The following COG5 variants were observed in gnomAD, a reference collection of about 807,000 sequenced individuals.
COG5 encodes component of oligomeric golgi complex 5.
COG5 carries 86 observed loss-of-function variants against 110.4 expected under a neutral mutation model. The ratio of observed to expected loss-of-function variants is 0.78; its 90% CI spans 0.65 to 0.93. The LOEUF is 0.93. COG5 is among the 40% of genes least tolerant of loss of function. The pLI, the probability that COG5 is intolerant of heterozygous loss-of-function variation, is 0.00. For synonymous variants in COG5, 360 were observed against 334.6 expected (o/e 1.08, Z -0.83); for missense variants, 1,077 against 987.0 (o/e 1.09, Z -1.22).
chr7:107,472,607 A>G (rs909631901), intron 6 of COG5: 1 of 151,996 alleles, frequency 6.6e-6, no homozygotes, highest in African/African-American at 2.4e-5. Context: ...TTCCATTTTT[A>G]TAGGATTTCA....
chr7:107,288,927 T>G (rs879612999), intron 12 of COG5, among the ~76,000 whole-genome samples: 7,981 of 49,934 alleles, frequency 0.16, 513 homozygotes, highest in East Asian at 0.24. Flanking sequence ...TATATATATA[T>G]ATATATATAT....
chr7:107,388,376 C>A (rs1488655904), intron 7 of COG5, among the ~76,000 whole-genome samples: 2 of 152,208 alleles, frequency 1.3e-5, no homozygotes, highest in East Asian at 3.9e-4. Context: ...TATGGGGTGG[C>A]CCAAAAAATT....
At chr7:107,360,131 G>A (rs958836974) in intron 10 of COG5, among the ~76,000 whole-genome samples, 1 of 150,388 alleles carries the variant, frequency 6.6e-6, no homozygotes, top group African/African-American at 2.5e-5. Context: ...ACCAGCCTGT[G>A]GATGGGACCT....
At chr7:107,514,777 T>C (rs567579344) in intron 6 of COG5, among the ~76,000 whole-genome samples, 4 of 152,300 alleles carry the variant, frequency 2.6e-5, no homozygotes, top group East Asian at 3.9e-4. Flanking sequence ...CAATAAACAA[T>C]GGCTGAATAA....
chr7:107,227,692 AT>A (rs35707279), intron 19 of COG5, among the ~76,000 whole-genome samples: 3 of 112,308 alleles, frequency 2.7e-5, no homozygotes, highest in Non-Finnish European at 3.6e-5. Flanking sequence ...ACTTAGCACT[AT>A]TTTTTTTTGG....
chr7:107,513,687 G>A (rs1215354089), intron 6 of COG5, among the ~76,000 whole-genome samples: 1 of 152,094 alleles, frequency 6.6e-6, no homozygotes, highest in Non-Finnish European at 1.5e-5. Flanking sequence ...AGAAAATGTG[G>A]CACATATACA....
In COG5 at chr7:107,203,513, T is replaced by G; in HGVS notation, c.*3A>C. 3.1e-6 allele frequency: 5 copies of G among 1,601,328 alleles called. No individual in the cohort carries two copies. Among genetic ancestry groups the G allele is most frequent in the Non-Finnish European group, 4.3e-6 (5 of 1,168,332 alleles). On this transcript the variant is annotated 3_prime_UTR_variant, in exon 22 of 22. Transcript: ENST00000297135. ...AGTGGAGATGAACAAAGATTTCATG[T>G]CATTACTGAAGAGCAGACATAGCCT...
At chr7:107,504,573 T>A (rs1224588380) in intron 6 of COG5, among the ~76,000 whole-genome samples, 1 of 152,234 alleles carries the variant, frequency 6.6e-6, no homozygotes, top group African/African-American at 2.4e-5. Flanking sequence ...GTAAGATTGA[T>A]ACCAGTTCAT....
chr7:107,411,291 C>T lies in COG5; in HGVS notation c.669+1211G>A, dbSNP rs551123884. Among the ~76,000 whole-genome samples, 158 of 152,112 alleles carry T rather than the reference C, an allele frequency of 1.0e-3. 1 individual carries two copies. Among genetic ancestry groups the T allele is most frequent in the African/African-American group, 3.7e-3 (154 of 41,494 alleles). On this transcript the variant is annotated intron_variant, in intron 7 of 21. Transcript: ENST00000297135. ...TGTTTGATTAATAGAGTTATCTTTC[C>T]TTCTCTTTTGAAGATCTAAAAAAAG...
chr7:107,249,626 A>C (rs1290758837), intron 16 of COG5, among the ~76,000 whole-genome samples: 1 of 151,882 alleles, frequency 6.6e-6, no homozygotes, highest in Admixed American at 6.6e-5. Flanking sequence ...TAGGACCCTT[A>C]ATCATTAAAT....
chr7:107,343,963 G>C (rs561645677), intron 10 of COG5, among the ~76,000 whole-genome samples: 38 of 151,142 alleles, frequency 2.5e-4, no homozygotes, highest in Non-Finnish European at 5.0e-4. Context: ...ATGCTTTACT[G>C]TTCAATTTAT....
rs191164575 is a variant in COG5 at position 107,210,405 on chromosome 7, G to A, written c.2375+121C>T. On this transcript the variant is annotated intron_variant, in intron 21 of 21. Transcript: ENST00000297135. ...CCGTGCCTAGGCAGTGAGGTGGCCC[G>A]CCACTGGAAGGTGCAGTCACATGTC... The A allele has an allele frequency of 3.0e-4, 451 of 1,484,384 alleles. 2 individuals carry two copies. The highest frequency in any genetic ancestry group is 8.1e-4 in the African/African-American group (58 of 71,768). 92.0% of individuals were successfully genotyped at this position (1,484,384 alleles called of 1,614,324 possible). A position where few individuals can be genotyped will look rare whatever the true frequency, so the allele number is the denominator to read the frequency against.
chr7:107,337,102 G>T (rs1810768364), intron 10 of COG5, among the ~76,000 whole-genome samples: 1 of 151,958 alleles, frequency 6.6e-6, no homozygotes, highest in Non-Finnish European at 1.5e-5. Context: ...AACGAGATAT[G>T]ACCTTACCCC....
At chr7:107,251,154 A>G (rs1399691119) in intron 16 of COG5, among the ~76,000 whole-genome samples, 1 of 148,266 alleles carries the variant, frequency 6.7e-6, no homozygotes, top group East Asian at 2.0e-4. Context: ...AAAAAAAAAG[A>G]TTACATACAA....
intron 17 of COG5, 46 bp downstream of exon 17, chr7:107,248,350 A>C (rs1413484840): frequency 8.3e-7 from 1 of 1,201,284 alleles, no homozygotes; most frequent in Non-Finnish European, 1.2e-6. Context: ...GGGAATACAA[A>C]ATAAAGGCAG....
At chr7:107,558,243 G>T in intron 1 of COG5, 128 bp from the exon 2 acceptor site, 1 of 835,690 alleles carries the variant, frequency 1.2e-6, no homozygotes, top group Non-Finnish European at 1.9e-6. Context: ...CCACTATACT[G>T]CTTAATGCTT....
chr7:107,528,977 AT>A (rs1339348100), intron 5 of COG5, among the ~76,000 whole-genome samples: 2 of 145,086 alleles, frequency 1.4e-5, no homozygotes, highest in African/African-American at 2.6e-5. Flanking sequence ...AGTATTAAAC[AT>A]GTTTACCTGA....
intron 5 of COG5, among the ~76,000 whole-genome samples, chr7:107,529,864 C>T (rs1417929414): frequency 6.6e-6 from 1 of 152,170 alleles, no homozygotes; most frequent in Non-Finnish European, 1.5e-5. Flanking sequence ...TGCTGCAGAC[C>T]TGTACGGATT....
rs187658971 is a variant in COG5 at position 107,309,520 on chromosome 7, G to A, written c.1109-11174C>T. ...CCCAGTGGGAGACACAGATAAGCTA[G>A]TAGGTGTAGTAGTAATGCTACCATC... On this transcript the variant is annotated intron_variant, in intron 11 of 21. Transcript: ENST00000297135. Among the ~76,000 whole-genome samples, 305 of 152,260 alleles carry A rather than the reference G, an allele frequency of 2.0e-3. 2 individuals are homozygous for A. The highest frequency in any genetic ancestry group is 6.9e-3 in the African/African-American group (288 of 41,560).
Sources: gnomAD v4.1 joint callset for allele counts (sites outside exome capture counted in the v4.1 genomes callset) on GRCh38, gnomAD v4.1.1 for gene constraint, MANE v1.5 for transcripts, NCBI Gene and HGNC (gene_info 2026-07-23, HGNC 2026-07-21) for gene names.